Variants in PPP2R2A observed in about 807,000 individuals in gnomAD.
PPP2R2A encodes the protein protein phosphatase 2 regulatory subunit Balpha, also known as serine/threonine-protein phosphatase 2A 55 kDa regulatory subunit B alpha isoform.
In PPP2R2A, 9 loss-of-function variants were observed where a neutral mutation model predicts 53.2. The ratio of observed to expected loss-of-function variants is 0.17; its 90% CI spans 0.10 to 0.30. The LOEUF is 0.30. PPP2R2A is among the 10% of genes least tolerant of loss of function. The probability of loss-of-function intolerance (pLI) is 1.00; values close to 1 mark genes in which losing one functional copy is unlikely to be tolerated. For missense variants in PPP2R2A, 235 were observed against 534.6 expected (o/e 0.44, Z 5.53); for synonymous variants, 169 against 174.2 (o/e 0.97, Z 0.23).
At chr8:26,349,975 G>A (rs561173266) in intron 3 of PPP2R2A, among the ~76,000 whole-genome samples, 13 of 152,260 alleles carry the variant, frequency 8.5e-5, no homozygotes, top group Admixed American at 2.0e-4. Flanking sequence ...TTTTATGGCT[G>A]TTCTACATCT....
In PPP2R2A at chr8:26,338,857, A is replaced by C. The variant is rs1366029602; in HGVS notation, c.83-33A>C. 2 of 1,448,574 alleles carry C rather than the reference A, an allele frequency of 1.4e-6. No homozygotes were observed. The highest frequency in any genetic ancestry group is 2.8e-5 in the African/African-American group (2 of 70,514). 89.7% of individuals were successfully genotyped at this position (1,448,574 alleles called of 1,614,324 possible). ...ACTAGTGAGTCGGGAAAGAAAAACT[A>C]ATATCTTTTTTTGTTTTGTCTCAAT... is the stretch of plus-strand genomic sequence containing the variant. On this transcript the variant is annotated intron_variant, in intron 2 of 9. Coordinates refer to ENST00000380737, the MANE Select transcript of PPP2R2A (RefSeq NM_002717.4). This position sits in a 1 kb window ranked among gnomAD's most constrained non-coding sequence, Gnocchi z 4.5.
At chr8:26,306,009 A>G (rs999278711) in intron 2 of PPP2R2A, among the ~76,000 whole-genome samples, 2 of 152,146 alleles carry the variant, frequency 1.3e-5, no homozygotes, top group African/African-American at 4.8e-5. Flanking sequence ...AAGCTACCAT[A>G]CAGAATTACA....
rs559331518 is a variant in PPP2R2A at position 26,370,843 on chromosome 8, A to G, written c.*430A>G. The G allele has an allele frequency of 1.7e-5, 3 of 175,528 alleles. No individual in the cohort carries two copies. In the South Asian group the frequency reaches 4.0e-4, roughly 23 times the overall value. 10.9% of individuals were successfully genotyped at this position (175,528 alleles called of 1,614,324 possible). Reference sequence around the variant, plus strand: ...CCTTCCCCCTTTTTTTAAATTAAATACAGCTCATTCTTACTGTGGCTTGTA... The same window carrying G: ...CCTTCCCCCTTTTTTTAAATTAAATGCAGCTCATTCTTACTGTGGCTTGTA... On this transcript the variant is annotated 3_prime_UTR_variant, in exon 10 of 10. Coordinates refer to ENST00000380737, the MANE Select transcript of PPP2R2A (RefSeq NM_002717.4). The surrounding 1 kb of genome is among the most constrained non-coding windows in gnomAD (Gnocchi z 6.1).
At chr8:26,292,111 G>T (rs1424190287) in intron 1 of PPP2R2A, 18 of 1,231,516 alleles carry the variant, frequency 1.5e-5, no homozygotes, top group Non-Finnish European at 1.7e-5. Flanking sequence ...CGGGGTGGGG[G>T]TGCGTGCAGA....
At chr8:26,304,366 T>G (rs1230826573) in intron 2 of PPP2R2A, among the ~76,000 whole-genome samples, 1 of 152,174 alleles carries the variant, frequency 6.6e-6, no homozygotes. Flanking sequence ...TTGCTTATTT[T>G]ATACTTTAAT....
intron 2 of PPP2R2A, among the ~76,000 whole-genome samples, chr8:26,300,710 C>T (rs149616304): frequency 5.1e-3 from 777 of 152,068 alleles, no homozygotes; most frequent in Non-Finnish European, 9.1e-3. Flanking sequence ...AAAAATTAGC[C>T]GGGTGTGGTG....
intron 2 of PPP2R2A, among the ~76,000 whole-genome samples, chr8:26,304,720 C>T (rs866058547): frequency 6.6e-6 from 1 of 152,152 alleles, no homozygotes; most frequent in African/African-American, 2.4e-5. Flanking sequence ...GAGAAACAGG[C>T]TATTGTAGGC....
intron 4 of PPP2R2A, among the ~76,000 whole-genome samples, chr8:26,355,721 C>A (rs530296313): frequency 6.6e-6 from 1 of 151,788 alleles, no homozygotes; most frequent in African/African-American, 2.4e-5. Flanking sequence ...AAAAATTATC[C>A]GGGTGTGGTG....
At chr8:26,352,908 T>G (rs1804594400) in intron 3 of PPP2R2A, among the ~76,000 whole-genome samples, 1 of 152,250 alleles carries the variant, frequency 6.6e-6, no homozygotes, top group Admixed American at 6.5e-5. Context: ...CACAAGTTAC[T>G]TGAATGTGGG....
At chr8:26,300,713 G>A (rs961697786) in intron 2 of PPP2R2A, among the ~76,000 whole-genome samples, 2 of 152,114 alleles carry the variant, frequency 1.3e-5, no homozygotes, top group East Asian at 1.9e-4. Flanking sequence ...AATTAGCCGG[G>A]TGTGGTGGTG....
chr8:26,312,002 A>C (rs1247628150), intron 2 of PPP2R2A, among the ~76,000 whole-genome samples: 1 of 151,296 alleles, frequency 6.6e-6, no homozygotes, highest in Non-Finnish European at 1.5e-5. Flanking sequence ...ACCTAGGGCA[A>C]CGTTGTAAAT....
chr8:26,364,466 A>G (rs761030305), intron 8 of PPP2R2A, among the ~76,000 whole-genome samples: 3 of 152,218 alleles, frequency 2.0e-5, no homozygotes, highest in Admixed American at 1.3e-4. Flanking sequence ...ATCCGTGTCC[A>G]CTACATCAAA....
intron 2 of PPP2R2A, among the ~76,000 whole-genome samples, chr8:26,301,709 T>G (rs1801798857): frequency 6.6e-6 from 1 of 152,222 alleles, no homozygotes; most frequent in South Asian, 2.1e-4. Flanking sequence ...TGATATCATT[T>G]AGTCCAGTGG....
At chr8:26,364,863 C>T (rs538958953) in intron 8 of PPP2R2A, among the ~76,000 whole-genome samples, 47 of 152,214 alleles carry the variant, frequency 3.1e-4, no homozygotes, top group African/African-American at 1.1e-3. Flanking sequence ...GATGCAAACC[C>T]CTCAAATATA....
At chr8:26,347,799 T>C (rs2117357984) in intron 3 of PPP2R2A, among the ~76,000 whole-genome samples, 1 of 152,326 alleles carries the variant, frequency 6.6e-6, no homozygotes, top group South Asian at 2.1e-4. Context: ...ACTCAGTGAA[T>C]GAGTATTAAC....
At chr8:26,369,680 C>G (rs548530084) in intron 9 of PPP2R2A, among the ~76,000 whole-genome samples, 2 of 152,350 alleles carry the variant, frequency 1.3e-5, no homozygotes, top group South Asian at 2.1e-4. Context: ...GCGTGAGCCA[C>G]TGCGCCCGGC....
chr8:26,316,006 G>C (rs1802535599), intron 2 of PPP2R2A, among the ~76,000 whole-genome samples: 1 of 152,092 alleles, frequency 6.6e-6, no homozygotes, highest in Non-Finnish European at 1.5e-5. Context: ...TTCTGATATT[G>C]TGTACTTCTT....
intron 7 of PPP2R2A, 187 bp from the exon 8 acceptor site, chr8:26,363,534 T>G: frequency 1.9e-6 from 1 of 513,988 alleles, no homozygotes; most frequent in Middle Eastern, 5.2e-4. Context: ...ATCTTCAACT[T>G]CAATATTCAA....
intron 2 of PPP2R2A, among the ~76,000 whole-genome samples, chr8:26,295,865 G>A (rs114298903): frequency 5.5e-4 from 84 of 152,198 alleles, no homozygotes; most frequent in African/African-American, 2.0e-3. Context: ...TTGACTAAGG[G>A]GAGATTTGCT....
Sources: gnomAD v4.1 joint callset for allele counts (sites outside exome capture counted in the v4.1 genomes callset) on GRCh38, gnomAD v4.1.1 for gene constraint, Gnocchi (gnomAD v3.1) non-coding constraint, MANE v1.5 for transcripts, NCBI Gene and HGNC (gene_info 2026-07-23, HGNC 2026-07-21) for gene names.